Variants in GALNT16 observed in about 807,000 individuals in gnomAD.
GALNT16 encodes polypeptide N-acetylgalactosaminyltransferase 16.
A neutral mutation model predicts 76.1 loss-of-function variants in GALNT16; 40 were observed. The ratio of observed to expected loss-of-function variants is 0.53; its 90% CI spans 0.41 to 0.68. The LOEUF (loss-of-function observed/expected upper bound fraction) is 0.68, where lower values mean the gene tolerates loss of function less well. Ranked by LOEUF, GALNT16 falls within the 30% of genes least tolerant of loss-of-function variation. The probability of loss-of-function intolerance (pLI) is 0.00; values close to 1 mark genes in which losing one functional copy is unlikely to be tolerated. For synonymous variants in GALNT16, 276 were observed against 285.2 expected (o/e 0.97, Z 0.32); for missense variants, 621 against 731.9 (o/e 0.85, Z 1.75).
At position 69,264,819 on chromosome 14, in the gene GALNT16, C is replaced by T. The variant is rs13379333; in HGVS notation, c.177+4352C>T. On this transcript the variant is annotated intron_variant, in intron 1 of 14. Transcript: ENST00000448469. Reference sequence around the variant, plus strand: ...TTTATTTTCTCTTTTCTTTTTCTTTCTTTTTTTTTTTGGACACAGGGTCTC... The same window carrying T: ...TTTATTTTCTCTTTTCTTTTTCTTTTTTTTTTTTTTTGGACACAGGGTCTC... 1.2e-3 allele frequency among the ~76,000 whole-genome samples: 116 copies of T among 96,500 alleles called. 1 individual carries two copies. Among genetic ancestry groups the T allele is most frequent in the East Asian group, 2.6e-3 (6 of 2,320 alleles). The allele number at this position is 96,500 out of a possible 152,430, so 63.3% of individuals were successfully genotyped here.
At chr14:69,288,591 G>A (rs532009333) in intron 1 of GALNT16, among the ~76,000 whole-genome samples, 11 of 152,228 alleles carry the variant, frequency 7.2e-5, no homozygotes, top group African/African-American at 1.9e-4. Context: ...CAGGCCTGGC[G>A]AGTTGCAGCA....
intron 12 of GALNT16, 39 bp downstream of exon 12, chr14:69,341,803 T>C (rs1422476667): frequency 6.8e-7 from 1 of 1,460,438 alleles, no homozygotes; most frequent in South Asian, 1.2e-5. Context: ...CCCAGGCGGG[T>C]AGGGGGTGGT....
rs563252474 is a variant in GALNT16, at chr14:69,315,162, G to GA, written c.178-5540dup. 1.9e-3 allele frequency among the ~76,000 whole-genome samples: 281 copies of GA among 150,508 alleles called. 1 individual carries two copies. The highest frequency in any genetic ancestry group is 0.01 in the Middle Eastern group (3 of 294). On this transcript the variant is annotated intron_variant, in intron 1 of 14. Coordinates refer to ENST00000448469, the MANE Select transcript of GALNT16 (RefSeq NM_001168368.2). ...AGGAAGCAATAAGCAAATCTAGCTGGAAAAAAAAACTGAAGCAAGTTAGGG... is the reference window on the plus strand; with the variant it reads ...AGGAAGCAATAAGCAAATCTAGCTGGAAAAAAAAAACTGAAGCAAGTTAGGG...
At chr14:69,287,308 G>A (rs1312769721) in intron 1 of GALNT16, among the ~76,000 whole-genome samples, 1 of 152,226 alleles carries the variant, frequency 6.6e-6, no homozygotes, top group Admixed American at 6.5e-5. Context: ...CCTCAGGTCT[G>A]GTTGCTGTTG....
At chr14:69,367,574 C>T in the GALNT16 span, among the ~76,000 whole-genome samples, 10 of 149,014 alleles carry the variant, frequency 6.7e-5, no homozygotes, top group South Asian at 1.7e-3. Flanking sequence ...TATGGTACTT[C>T]GTTGTAACAG....
chr14:69,320,950 C>A (rs2045172319), intron 2 of GALNT16, 82 bp downstream of exon 2: 2 of 1,323,468 alleles, frequency 1.5e-6, no homozygotes, highest in Admixed American at 3.8e-5. Context: ...TTACGTGTAT[C>A]TAAGAAATGA....
At chr14:69,260,538 C>T in intron 1 of GALNT16, 71 bp downstream of exon 1, 1 of 1,141,216 alleles carries the variant, frequency 8.8e-7, no homozygotes, top group East Asian at 3.4e-5. Flanking sequence ...GCGCGGCGGC[C>T]GAGGGCGCGG....
chr14:69,347,913 G>T lies in GALNT16; in HGVS notation c.1450G>T (p.Gly484Trp). Residue 484 changes from glycine (G) to tryptophan (W), a missense_variant, in exon 14 of 15, where the codon GGG (glycine) becomes TGG (tryptophan). Coordinates refer to ENST00000448469, the MANE Select transcript of GALNT16 (RefSeq NM_001168368.2). ...LFSDHLIQQQ[G>W]KCLAATSTLM... is the part of the protein sequence containing the mutation. ...CAGTGACCACCTCATCCAGCAGCAG[G>T]GGAAGTGCCTGGCTGCCACCTCCAC... is the stretch of plus-strand genomic sequence containing the variant. The T allele has an allele frequency of 6.2e-7, 1 of 1,613,968 alleles. No individual in the cohort carries two copies. The highest frequency in any genetic ancestry group is 8.5e-7 in the Non-Finnish European group (1 of 1,179,980).
At chr14:69,294,733 G>A (rs1334798103) in intron 1 of GALNT16, among the ~76,000 whole-genome samples, 1 of 151,984 alleles carries the variant, frequency 6.6e-6, no homozygotes, top group Non-Finnish European at 1.5e-5. Flanking sequence ...CTTCTTTCAC[G>A]TTACCTGATT....
the GALNT16 span, among the ~76,000 whole-genome samples, chr14:69,374,691 T>C: frequency 0.36 from 54,400 of 152,130 alleles, 10,299 homozygotes; most frequent in African/African-American, 0.46. Flanking sequence ...GTTCTGTCAC[T>C]GAGTGATGTG....
intron 12 of GALNT16, among the ~76,000 whole-genome samples, chr14:69,343,231 A>T (rs567083574): frequency 7.9e-5 from 12 of 151,834 alleles, no homozygotes; most frequent in Non-Finnish European, 8.8e-5. Flanking sequence ...TTTCCAGAAC[A>T]CTCCACCCCT....
rs373776353 is a variant in GALNT16 at position 69,333,466 on chromosome 14, C to T, written c.864-31C>T. 40 of 1,338,288 alleles carry T rather than the reference C, an allele frequency of 3.0e-5. No individual in the cohort carries two copies. Among genetic ancestry groups the T allele is most frequent in the Non-Finnish European group, 4.2e-5 (39 of 929,098 alleles). 82.9% of individuals were successfully genotyped at this position (1,338,288 alleles called of 1,614,324 possible). A position where few individuals can be genotyped will look rare whatever the true frequency, so the allele number is the denominator to read the frequency against. On this transcript the variant is annotated intron_variant, in intron 8 of 14. Coordinates refer to ENST00000448469, the MANE Select transcript of GALNT16 (RefSeq NM_001168368.2). The surrounding 1 kb of genome is among the most constrained non-coding windows in gnomAD (Gnocchi z 4.2). ...AGGGCCTCCTTGCTTCTCCAGCTCA[C>T]GTGTTGCGTCTTCCCTCTCCTTGCT...
the GALNT16 span, among the ~76,000 whole-genome samples, chr14:69,363,958 G>T: frequency 6.6e-6 from 1 of 152,180 alleles, no homozygotes; most frequent in South Asian, 2.1e-4. Context: ...CCCCACTAGA[G>T]GTTCCCTGAG....
intron 13 of GALNT16, among the ~76,000 whole-genome samples, chr14:69,347,670 C>T (rs2045584126): frequency 1.3e-5 from 2 of 152,204 alleles, no homozygotes; most frequent in Admixed American, 6.5e-5. Flanking sequence ...AGCTCCCCCA[C>T]CCCAGCATTT....
At chr14:69,296,748 A>C (rs1347622555) in intron 1 of GALNT16, among the ~76,000 whole-genome samples, 3 of 151,262 alleles carry the variant, frequency 2.0e-5, no homozygotes, top group Admixed American at 6.6e-5. Context: ...ATAGATAGAT[A>C]GATAGATAGA....
chr14:69,380,906 T>C, the GALNT16 span, among the ~76,000 whole-genome samples: 1 of 152,242 alleles, frequency 6.6e-6, no homozygotes, highest in African/African-American at 2.4e-5. Context: ...ATCTACTTCT[T>C]GACAGAGTAT....
chr14:69,373,827 G>C, the GALNT16 span, among the ~76,000 whole-genome samples: 1 of 151,306 alleles, frequency 6.6e-6, no homozygotes, highest in Non-Finnish European at 1.5e-5. Flanking sequence ...CCAGGCTGGA[G>C]TGCAGTGGCA....
chr14:69,351,421 G>A (rs1436824341), intron 14 of GALNT16: 2 of 152,256 alleles, frequency 1.3e-5, no homozygotes, highest in Admixed American at 6.5e-5. Flanking sequence ...TGGAAATGCA[G>A]ATTTGCACGT....
rs752655414 is a variant in GALNT16 at position 69,328,520 on chromosome 14, C to T, written c.639C>T (p.His213=). ...CCGTTCTCACCTTTCTGGATAGCCA[C>T]TGCGAAGTGAACACCGAGTGGCTGC... is the stretch of plus-strand genomic sequence containing the variant. ...AATVLTFLDS[H]CEVNTEWLPP... The change falls in exon 6 of 15, where the codon CAC becomes CAT. Residue 213 remains histidine, a synonymous_variant. Transcript: ENST00000448469. The T allele has an allele frequency of 3.1e-6, 5 of 1,614,080 alleles. No homozygotes were observed. Among genetic ancestry groups the T allele is most frequent in the South Asian group, 2.2e-5 (2 of 91,082 alleles).
Sources: allele counts gnomAD v4.1 joint callset (sites outside exome capture counted in the v4.1 genomes callset), GRCh38; gene constraint gnomAD v4.1.1; non-coding constraint Gnocchi (gnomAD v3.1); transcripts MANE v1.5; gene names NCBI Gene and HGNC (gene_info 2026-07-23, HGNC 2026-07-21).